DENR: variants seen among roughly 807,000 people sequenced by gnomAD.
DENR encodes density-regulated protein.
A neutral mutation model predicts 30.6 loss-of-function variants in DENR; 6 were observed. That is an observed-to-expected ratio of 0.20 (90% CI 0.11 to 0.39). The LOEUF is 0.39. Among genes scored for constraint, DENR ranks in the 10% least tolerant of loss-of-function variants. DENR has a pLI of 1.00. For missense variants in DENR, 141 were observed against 230.9 expected, an observed-to-expected ratio of 0.61 and a Z score of 2.52; for synonymous variants, 78 against 72.1, an observed-to-expected ratio of 1.08 and a Z score of -0.41.
chr12:122,753,841 C>A, intron 2 of DENR, 34 bp downstream of exon 2: 1 of 1,501,772 alleles, frequency 6.7e-7, no homozygotes, highest in South Asian at 1.1e-5. Context: ...GACTTTTACT[C>A]ACTATACTTT....
At chr12:122,756,733 C>T (rs778340563) in intron 2 of DENR, among the ~76,000 whole-genome samples, 7 of 151,984 alleles carry the variant, frequency 4.6e-5, no homozygotes, top group Non-Finnish European at 1.0e-4. Flanking sequence ...GAGGGGCAGC[C>T]GGAAATTATG....
chr12:122,764,432 T>A (rs1005476392), intron 4 of DENR, among the ~76,000 whole-genome samples: 4 of 152,126 alleles, frequency 2.6e-5, no homozygotes, highest in Admixed American at 6.6e-5. Context: ...ACCCTGTCTT[T>A]ACTAAAAATA....
Position 122,767,552 on chromosome 12 carries a change from T to C in DENR, c.360T>C (p.Ile120=). 1 of 1,603,374 alleles carries C rather than the reference T, an allele frequency of 6.2e-7. No homozygotes were observed. The highest frequency in any genetic ancestry group is 1.7e-5 in the Admixed American group (1 of 58,490). ...TVPQKVTIAK[I]PRAKKKYVTR... Reference sequence around the variant, plus strand: ...CACAAAAGGTTACTATAGCCAAAATTCCCAGAGCAAAGAAGAAATATGTGA... The same window carrying C: ...CACAAAAGGTTACTATAGCCAAAATCCCCAGAGCAAAGAAGAAATATGTGA... The change falls in exon 6 of 8, where the codon ATT becomes ATC. Residue 120 remains isoleucine, a synonymous_variant. Transcript: ENST00000280557.
intron 6 of DENR, among the ~76,000 whole-genome samples, chr12:122,768,412 C>T (rs1017359003): frequency 2.6e-5 from 4 of 151,972 alleles, no homozygotes; most frequent in African/African-American, 4.8e-5. Context: ...TCAGGAGAAT[C>T]GCTTGAATCT....
In DENR at chr12:122,760,783, G is replaced by A. The variant is rs532989720; in HGVS notation, c.107-1404G>A. On this transcript the variant is annotated intron_variant, in intron 2 of 7. Transcript: ENST00000280557. The stretch of plus-strand genomic sequence containing the variant: ...GCAGTTGACCCAGTATTAGAATTAC[G>A]GTTAAAATTGGAAGCTTTTCCAGTT... Among the ~76,000 whole-genome samples the A allele has an allele frequency of 2.6e-5, 4 of 152,154 alleles. No homozygotes were observed. In the East Asian group the frequency reaches 5.8e-4, roughly 22 times the overall value.
intron 5 of DENR, among the ~76,000 whole-genome samples, chr12:122,766,725 A>C (rs1878859689): frequency 6.6e-6 from 1 of 151,970 alleles, no homozygotes. Context: ...CCCTTTACTC[A>C]GTTCTTGCTT....
chr12:122,765,993 A>T (rs923407820), intron 5 of DENR, among the ~76,000 whole-genome samples: 2 of 150,756 alleles, frequency 1.3e-5, no homozygotes, highest in Admixed American at 6.6e-5. Flanking sequence ...ATTTTCATTC[A>T]TTATTCTCCC....
intron 2 of DENR, among the ~76,000 whole-genome samples, chr12:122,760,276 T>C (rs1878660566): frequency 6.6e-6 from 1 of 152,184 alleles, no homozygotes; most frequent in African/African-American, 2.4e-5. Flanking sequence ...AAGGTTGTGA[T>C]AACTAAACAT....
rs1878473520 is a variant in DENR at position 122,753,663 on chromosome 12, G to A, written c.-9-30G>A. ...CTTCTGGGGTCTTGATTCTAAAATA[G>A]TGAGGGTGTGTTATTTTCCTTGCTT... is the stretch of plus-strand genomic sequence containing the variant. On this transcript the variant is annotated intron_variant, in intron 1 of 7. Coordinates refer to ENST00000280557, the MANE Select transcript of DENR (RefSeq NM_003677.5). 5.2e-6 allele frequency: 8 copies of A among 1,539,922 alleles called. No individual in the cohort carries two copies. In the East Asian group the frequency reaches 1.6e-4, roughly 30 times the overall value.
chr12:122,759,431 C>T (rs531034079), intron 2 of DENR, among the ~76,000 whole-genome samples: 11 of 152,122 alleles, frequency 7.2e-5, no homozygotes, highest in African/African-American at 9.6e-5. Context: ...TTTGCTGAAC[C>T]GGGCCAGGCA....
intron 1 of DENR, among the ~76,000 whole-genome samples, 184 bp from the exon 2 acceptor site, chr12:122,753,509 T>G (rs1878469634): frequency 6.6e-6 from 1 of 152,176 alleles, no homozygotes; most frequent in African/African-American, 2.4e-5. Context: ...TGTAGACCTG[T>G]GGAGCAAGGA....
Position 122,769,336 on chromosome 12 carries a change from C to T in DENR, c.*258C>T, listed in dbSNP as rs142692917. 853 of 969,694 alleles carry T rather than the reference C, an allele frequency of 8.8e-4. 5 individuals are homozygous for T. The African/African-American group carries it at 0.017, about 20-fold the overall frequency. 60.1% of individuals were successfully genotyped at this position (969,694 alleles called of 1,614,324 possible). ...TATGTATACATATATATATATTCTA[C>T]AGTAAAACTGTAGACTGTCCTCGTC... On this transcript the variant is annotated 3_prime_UTR_variant, in exon 8 of 8. Transcript: ENST00000280557.
chr12:122,762,093 G>A lies in DENR; in HGVS notation c.107-94G>A, dbSNP rs1593761970. On this transcript the variant is annotated intron_variant, in intron 2 of 7. Transcript: ENST00000280557. ...CTTATAGGGAAAATGTAAAAATGAA[G>A]CATTTTCTCAAATATAAAAGTAAGG... is the stretch of plus-strand genomic sequence containing the variant. 3 of 805,280 alleles carry A rather than the reference G, an allele frequency of 3.7e-6. No individual in the cohort carries two copies. In the East Asian group the frequency reaches 9.2e-5, roughly 25 times the overall value. The allele number at this position is 805,280 out of a possible 1,614,324, so 49.9% of individuals were successfully genotyped here.
chr12:122,766,615 G>T (rs141748188), intron 5 of DENR, among the ~76,000 whole-genome samples: 256 of 152,262 alleles, frequency 1.7e-3, no homozygotes, highest in African/African-American at 5.9e-3. Flanking sequence ...CGAGTCTCAA[G>T]TCCCAAACTG....
At chr12:122,753,890 C>A in intron 2 of DENR, 83 bp downstream of exon 2, 1 of 1,120,432 alleles carries the variant, frequency 8.9e-7, no homozygotes, top group Non-Finnish European at 1.3e-6. Flanking sequence ...GGTAAGCTTT[C>A]TTCCCCATCC....
intron 4 of DENR, among the ~76,000 whole-genome samples, chr12:122,764,424 C>G (rs529307259): frequency 3.3e-5 from 5 of 152,192 alleles, no homozygotes; most frequent in African/African-American, 1.2e-4. Context: ...ACGGTGAAAC[C>G]CTGTCTTTAC....
At chr12:122,759,120 A>G (rs1878629858) in intron 2 of DENR, among the ~76,000 whole-genome samples, 1 of 152,106 alleles carries the variant, frequency 6.6e-6, no homozygotes, top group African/African-American at 2.4e-5. Flanking sequence ...CTGGGATTGT[A>G]GACGTGAGCC....
At chr12:122,768,699 A>G (rs995360446) in intron 6 of DENR, 83 bp from the exon 7 acceptor site, 1 of 1,235,110 alleles carries the variant, frequency 8.1e-7, no homozygotes, top group Non-Finnish European at 1.1e-6. Context: ...TGATTTTAAA[A>G]TGCAGATTAA....
intron 2 of DENR, among the ~76,000 whole-genome samples, chr12:122,758,459 A>G (rs1454106248): frequency 6.6e-6 from 1 of 152,188 alleles, no homozygotes; most frequent in Non-Finnish European, 1.5e-5. Context: ...CATTTTATCA[A>G]GAGGTACCTG....
Sources: allele counts gnomAD v4.1 joint callset (sites outside exome capture counted in the v4.1 genomes callset), GRCh38; gene constraint gnomAD v4.1.1; transcripts MANE v1.5; gene names NCBI Gene and HGNC (gene_info 2026-07-23, HGNC 2026-07-21).